SNX14: variants seen among roughly 807,000 people sequenced by gnomAD.
SNX14 encodes the protein sorting nexin-14.
SNX14 carries 93 observed loss-of-function variants against 133.8 expected under a neutral mutation model. That is an observed-to-expected ratio of 0.70 (90% CI 0.59 to 0.83). The LOEUF (loss-of-function observed/expected upper bound fraction) is 0.83. Among genes scored for constraint, SNX14 ranks in the 40% least tolerant of loss-of-function variants. The pLI, the probability that SNX14 is intolerant of heterozygous loss-of-function variation, is 0.00. For missense variants in SNX14, 945 were observed against 1,094.9 expected (o/e 0.86, Z 1.93); for synonymous variants, 368 against 365.6 (o/e 1.01, Z -0.07).
rs138238684 is a variant in SNX14 at position 85,579,705 on chromosome 6, G to A, written c.141-5327C>T. 3.3e-5 allele frequency among the ~76,000 whole-genome samples: 5 copies of A among 152,324 alleles called. No individual in the cohort carries two copies. The East Asian group carries it at 9.6e-4, about 29-fold the overall frequency. On this transcript the variant is annotated intron_variant, in intron 1 of 28. Coordinates refer to ENST00000314673, the MANE Select transcript of SNX14 (RefSeq NM_153816.6). Reference sequence around the variant, plus strand: ...AAAGAGGTCATTTACACATGTCCTGGCCAGAGGGCAACTGCTCATCCCAGT... The same window carrying A: ...AAAGAGGTCATTTACACATGTCCTGACCAGAGGGCAACTGCTCATCCCAGT...
rs1264462864 is a variant in SNX14, at chr6:85,514,751, TTAGA to T, written c.2269-126_2269-123del. 11 of 913,642 alleles carry T rather than the reference TTAGA, an allele frequency of 1.2e-5. No individual in the cohort carries two copies. In the Admixed American group the frequency reaches 1.6e-4, roughly 13 times the overall value. 56.6% of individuals were successfully genotyped at this position (913,642 alleles called of 1,614,324 possible). ...AACTTTTTCCAATCAAAACAGAATA[TTAGA>T]TAGGTTAATATATGCTTCTAAAATT... On this transcript the variant is annotated intron_variant, in intron 23 of 28. Coordinates refer to ENST00000314673, the MANE Select transcript of SNX14 (RefSeq NM_153816.6).
Position 85,565,405 on chromosome 6 carries a change from T to C in SNX14, c.476A>G (p.Asp159Gly). 6.2e-7 allele frequency: 1 copy of C among 1,602,178 alleles called. No individual in the cohort carries two copies. Among genetic ancestry groups the C allele is most frequent in the Non-Finnish European group, 8.5e-7 (1 of 1,173,548 alleles). The change falls in exon 6 of 29, where the codon GAT (aspartate) becomes GGT (glycine). Residue 159 changes from aspartate (D) to glycine (G), a missense_variant. This residue lies in a region of SNX14 where 514 missense variants were observed against 538.8 expected (regional missense o/e 0.95). Transcript: ENST00000314673. ...TCTCAGTTCATCAACAAAGGATTCATCATCTGTCACATCCCTTCAATAAGG... is the reference window on the plus strand; with the variant it reads ...TCTCAGTTCATCAACAAAGGATTCACCATCTGTCACATCCCTTCAATAAGG... The part of the protein sequence containing the change: ...VYPWYRDVTD[D>G]ESFVDELRIT...
chr6:85,536,266 G>A (rs894822615), intron 17 of SNX14, among the ~76,000 whole-genome samples: 16 of 152,210 alleles, frequency 1.1e-4, no homozygotes, highest in African/African-American at 3.6e-4. Flanking sequence ...AGGATGGTAA[G>A]TAAAATGTTT....
chr6:85,552,227 G>A (rs2128116200), intron 7 of SNX14, among the ~76,000 whole-genome samples: 1 of 151,652 alleles, frequency 6.6e-6, no homozygotes, highest in African/African-American at 2.4e-5. Flanking sequence ...TAGTAGAGAC[G>A]GGGTTTCACC....
rs772413261 is a variant in SNX14 at position 85,517,772 on chromosome 6, G to C, written c.2252C>G (p.Ser751Ter). 1 of 1,599,868 alleles carries C rather than the reference G, an allele frequency of 6.3e-7. No homozygotes were observed. The highest frequency in any genetic ancestry group is 8.5e-7 in the Non-Finnish European group (1 of 1,176,470). The part of the protein sequence containing the change: ...RPELTILSPT[S>*]ENNKKLFNDL... ...GTGCAGTACCTTCTTGTTGTTTTCT[G>C]AAGTAGGGCTGAGAATGGTCAGTTC... Residue 751 changes from serine to a stop codon, truncating the protein, a stop_gained, in exon 23 of 29, where the codon TCA becomes TGA. Coordinates refer to ENST00000314673, the MANE Select transcript of SNX14 (RefSeq NM_153816.6). LOFTEE classifies it high-confidence loss of function.
intron 1 of SNX14, among the ~76,000 whole-genome samples, chr6:85,578,330 T>C (rs188762276): frequency 9.1e-4 from 139 of 152,268 alleles, no homozygotes; most frequent in African/African-American, 3.3e-3. Context: ...GGCTTTTATA[T>C]AGAACAGGAG....
At chr6:85,507,367 A>G (rs1771079207) in intron 27 of SNX14, 78 bp from the exon 28 acceptor site, 1 of 1,239,584 alleles carries the variant, frequency 8.1e-7, no homozygotes, top group Middle Eastern at 2.1e-4. Flanking sequence ...ACACAAAATT[A>G]AAGATTGTGG....
At chr6:85,538,700 T>C (rs925963084) in intron 16 of SNX14, 138 bp downstream of exon 16, 1 of 616,068 alleles carries the variant, frequency 1.6e-6, no homozygotes, top group Non-Finnish European at 2.7e-6. Context: ...TTTTAAAAGA[T>C]TATCCTAAAT....
At chr6:85,510,094 T>C (rs901905749) in intron 26 of SNX14, among the ~76,000 whole-genome samples, 36 of 152,362 alleles carry the variant, frequency 2.4e-4, no homozygotes, top group Non-Finnish European at 1.0e-4. Context: ...CTGAAGTTGC[T>C]ATAAACATTC....
chr6:85,505,762 GATCAC>G lies in SNX14; in HGVS notation c.*200_*204del, dbSNP rs1176315992. On this transcript the variant is annotated 3_prime_UTR_variant, in exon 29 of 29. Coordinates refer to ENST00000314673, the MANE Select transcript of SNX14 (RefSeq NM_153816.6). ...GTGACTTATGTTCTAATAAAATTTG[GATCAC>G]AGCTAGCAAATGAAAGACTATGAGA... 1 of 528,788 alleles carries G rather than the reference GATCAC, an allele frequency of 1.9e-6. No individual in the cohort carries two copies. The highest frequency in any genetic ancestry group is 3.4e-5 in the East Asian group (1 of 29,358). The allele number at this position is 528,788 out of a possible 1,614,324, so 32.8% of individuals were successfully genotyped here.
intron 2 of SNX14, 43 bp from the exon 3 acceptor site, chr6:85,572,417 C>T: frequency 1.5e-6 from 2 of 1,369,806 alleles, no homozygotes; most frequent in Non-Finnish European, 2.0e-6. Flanking sequence ...TCCATCTTTA[C>T]ATAACATCTT....
At chr6:85,581,095 G>A (rs1798914314) in intron 1 of SNX14, 2 of 152,336 alleles carry the variant, frequency 1.3e-5, no homozygotes, top group Non-Finnish European at 2.9e-5. Flanking sequence ...GGTGGCCAAA[G>A]GGTTATTTGT....
intron 1 of SNX14, among the ~76,000 whole-genome samples, chr6:85,576,629 AGC>A (rs1797436707): frequency 1.3e-5 from 2 of 152,350 alleles, no homozygotes; most frequent in African/African-American, 4.8e-5. Context: ...CTTAAAGGAA[AGC>A]GGAGTGAGAA....
intron 18 of SNX14, among the ~76,000 whole-genome samples, chr6:85,530,858 T>C (rs1315149284): frequency 6.6e-6 from 1 of 152,186 alleles, no homozygotes; most frequent in Non-Finnish European, 1.5e-5. Context: ...CTTTAAAATA[T>C]CATGCAATTA....
chr6:85,589,321 C>A (rs754342952), intron 1 of SNX14: 10 of 156,726 alleles, frequency 6.4e-5, no homozygotes, highest in Non-Finnish European at 1.4e-4. Flanking sequence ...CCAGGCTCAA[C>A]TGATCTTCCC....
In SNX14 at chr6:85,521,137, C is replaced by T. The variant is rs1407631530; in HGVS notation, c.2108-3089G>A. On this transcript the variant is annotated intron_variant, in intron 21 of 28. Coordinates refer to ENST00000314673, the MANE Select transcript of SNX14 (RefSeq NM_153816.6). ...AAAAACTTTGGTGAATGCGGTGTTTCCCAAACATGATTCTAATTTGAGTTT... is the reference window on the plus strand; with the variant it reads ...AAAAACTTTGGTGAATGCGGTGTTTTCCAAACATGATTCTAATTTGAGTTT... Among the ~76,000 whole-genome samples the T allele has an allele frequency of 3.9e-5, 6 of 152,300 alleles. No homozygotes were observed. In the East Asian group the frequency reaches 9.6e-4, roughly 24 times the overall value.
chr6:85,570,753 T>C (rs1795277873), intron 4 of SNX14, among the ~76,000 whole-genome samples: 1 of 151,962 alleles, frequency 6.6e-6, no homozygotes, highest in Admixed American at 6.6e-5. Flanking sequence ...CTTGGGAGGC[T>C]GAGGCAAGAG....
At chr6:85,545,485 G>A (rs144398117) in intron 12 of SNX14, among the ~76,000 whole-genome samples, 24 of 152,238 alleles carry the variant, frequency 1.6e-4, no homozygotes, top group Admixed American at 1.4e-3. Context: ...GAAAGATGAT[G>A]TGGCTATATT....
intron 15 of SNX14, among the ~76,000 whole-genome samples, chr6:85,540,214 G>C (rs866018975): frequency 4.6e-5 from 7 of 152,102 alleles, no homozygotes; most frequent in Middle Eastern, 6.3e-3. Flanking sequence ...TGCCTGCCTC[G>C]GCCTCCCAAA....
Sources: allele counts gnomAD v4.1 joint callset (sites outside exome capture counted in the v4.1 genomes callset), GRCh38; gene constraint gnomAD v4.1.1; regional missense constraint gnomAD v4.1.1; transcripts MANE v1.5; gene names NCBI Gene and HGNC (gene_info 2026-07-23, HGNC 2026-07-21).